UCP3: variants seen among roughly 807,000 people sequenced by gnomAD.
UCP3 encodes putative mitochondrial transporter UCP3.
In UCP3, 24 loss-of-function variants were observed where a neutral mutation model predicts 28.1. That is an observed-to-expected ratio of 0.85 (90% CI 0.62 to 1.20). UCP3 has a LOEUF of 1.20. Ranked by LOEUF, UCP3 falls within the 50% of genes most tolerant of loss-of-function variation. The pLI, the probability that UCP3 is intolerant of heterozygous loss-of-function variation, is 0.00. For missense variants in UCP3, 397 were observed against 422.2 expected (o/e 0.94, Z 0.52); for synonymous variants, 184 against 171.2 (o/e 1.07, Z -0.59).
At chr11:74,003,687 G>GT in intron 6 of UCP3, 140 bp downstream of exon 6, 1 of 1,458,872 alleles carries the variant, frequency 6.9e-7, no homozygotes, top group African/African-American at 1.4e-5. Context: ...TACTTGCATG[G>GT]TTTTTTAAAC....
intron 6 of UCP3, 120 bp from the exon 7 acceptor site, chr11:74,001,646 T>G (rs926826418): frequency 4.7e-6 from 4 of 850,722 alleles, no homozygotes; most frequent in Non-Finnish European, 7.8e-6. Flanking sequence ...ATCACAAGCA[T>G]TTTCTGAATC....
chr11:74,004,054 G>A (rs1951641429), intron 5 of UCP3, 47 bp from the exon 6 acceptor site: 1 of 1,605,792 alleles, frequency 6.2e-7, no homozygotes, highest in Non-Finnish European at 8.5e-7. Flanking sequence ...TTTGTGTTCT[G>A]TCCATATGTA....
intron 1 of UCP3, chr11:74,007,437 CTT>C (rs928421426): frequency 7.6e-4 from 135 of 177,896 alleles, no homozygotes; most frequent in East Asian, 2.1e-3. Context: ...AAACTGCCTC[CTT>C]TTTTTTTTTG....
Position 74,007,095 on chromosome 11 carries a change from G to A in UCP3, c.-53C>T, listed in dbSNP as rs1357454462. 6.2e-7 allele frequency: 1 copy of A among 1,606,596 alleles called. No individual in the cohort carries two copies. The highest frequency in any genetic ancestry group is 8.5e-7 in the Non-Finnish European group (1 of 1,177,994). On this transcript the variant is annotated 5_prime_UTR_variant, in exon 2 of 7. Coordinates refer to ENST00000314032, the MANE Select transcript of UCP3 (RefSeq NM_003356.4). ...TTAGGGCCGAGAGGAGGTCCAAGGA[G>A]AGAGGCTGCTCCACAGCCCTGGGCT...
Position 74,001,094 on chromosome 11 carries a change from C to A in UCP3, c.*318G>T. The A allele has an allele frequency of 2.7e-6, 1 of 370,800 alleles. No homozygotes were observed. 23.0% of individuals were successfully genotyped at this position (370,800 alleles called of 1,614,324 possible). On this transcript the variant is annotated 3_prime_UTR_variant, in exon 7 of 7. Transcript: ENST00000314032. ...CAGATTTCACGGGGATACACGTCTC[C>A]AACCTTCCATTTTGTCCAAATGGAT...
chr11:74,001,704 C>A, intron 6 of UCP3, 178 bp from the exon 7 acceptor site: 1 of 623,082 alleles, frequency 1.6e-6, no homozygotes, highest in East Asian at 2.8e-5. Flanking sequence ...GGGATTTAGG[C>A]AGAAGTCGGA....
chr11:74,006,164 C>T lies in UCP3; in HGVS notation c.337+5G>A, dbSNP rs559830800. The T allele has an allele frequency of 6.2e-7, 1 of 1,614,050 alleles. No homozygotes were observed. Among genetic ancestry groups the T allele is most frequent in the African/African-American group, 1.3e-5 (1 of 75,058 alleles). On this transcript the variant is annotated splice_donor_5th_base_variant and intron_variant, in intron 3 of 6. Transcript: ENST00000314032. Reference sequence around the variant, plus strand: ...CCTTTGGTGTTCAGGGACCTGGTCACTCACTGTCCGCGCCTTTGGGGGTGT... The same window carrying T: ...CCTTTGGTGTTCAGGGACCTGGTCATTCACTGTCCGCGCCTTTGGGGGTGT...
chr11:74,002,871 T>C, intron 6 of UCP3: 1 of 985,460 alleles, frequency 1.0e-6, no homozygotes, highest in Non-Finnish European at 1.2e-6. Context: ...AAAAACTCTC[T>C]GTTGAAGACA....
chr11:74,006,828 G>C, intron 2 of UCP3, 89 bp downstream of exon 2: 1 of 1,598,728 alleles, frequency 6.3e-7, no homozygotes, highest in Admixed American at 1.7e-5. Flanking sequence ...TTCTGAGGAA[G>C]GGCATGTGGG....
chr11:74,006,011 C>T, intron 3 of UCP3, 78 bp from the exon 4 acceptor site: 1 of 1,577,372 alleles, frequency 6.3e-7, no homozygotes. Flanking sequence ...GCGGGGCTGC[C>T]CCTGCAGCTT....
chr11:74,004,082 A>C (rs1951641686), intron 5 of UCP3, 75 bp from the exon 6 acceptor site: 35 of 1,578,276 alleles, frequency 2.2e-5, no homozygotes, highest in Non-Finnish European at 2.8e-5. Context: ...TTTGTCCCCA[A>C]CTCAACCGTG....
intron 1 of UCP3, among the ~76,000 whole-genome samples, chr11:74,008,099 C>T (rs1951680681): frequency 1.3e-5 from 2 of 152,174 alleles, no homozygotes; most frequent in Admixed American, 1.3e-4. Context: ...CAAGTAGTTG[C>T]TATTATTATT....
In UCP3 at chr11:74,003,886, GC is replaced by G; in HGVS notation, c.764del (p.Ser255ThrfsTer6). The G allele has an allele frequency of 6.2e-7, 1 of 1,614,154 alleles. No individual in the cohort carries two copies. Among genetic ancestry groups the G allele is most frequent in the Non-Finnish European group, 8.5e-7 (1 of 1,180,030 alleles). On this transcript the variant is annotated frameshift_variant, in exon 6 of 7. Coordinates refer to ENST00000314032, the MANE Select transcript of UCP3 (RefSeq NM_003356.4). LOFTEE classifies it high-confidence loss of function. ...CCATCTTTATCATACAGTCGAGGGG[GC>G]TGAAGTACTGGCCTGGAGGTGAGTT... is the stretch of plus-strand genomic sequence containing the variant. ...YMNSPPGQYFSPLDCMIKMVA... is the reference protein window; with the variant it reads ...YMNSPPGQYFXPLDCMIKMVA...
At position 74,006,231 on chromosome 11, in the gene UCP3, G is replaced by A. The variant is rs777659543; in HGVS notation, c.275C>T (p.Ala92Val). 20 of 1,614,150 alleles carry A rather than the reference G, an allele frequency of 1.2e-5. No individual in the cohort carries two copies. Among genetic ancestry groups the A allele is most frequent in the Non-Finnish European group, 1.7e-5 (20 of 1,180,058 alleles). Residue 92 changes from alanine (A) to valine (V), a missense_variant, in exon 3 of 7, where the codon GCC (alanine) becomes GTC (valine). By Grantham distance (64) the Ala-to-Val change is moderately conservative. Transcript: ENST00000314032. ...VAGLQRQMSF[A>V]SIRIGLYDSV... ...GTCATAGAGGCCGATGCGGATGGAG[G>A]CGAAGCTCATCTGGCGCTGCAGGCC...
chr11:74,003,547 A>G, intron 6 of UCP3: 1 of 1,146,228 alleles, frequency 8.7e-7, no homozygotes, highest in Non-Finnish European at 1.1e-6. Flanking sequence ...CCATGGCAGG[A>G]GGTCCAGGAG....
chr11:74,003,819 A>C lies in UCP3; in HGVS notation c.824+8T>G, dbSNP rs752335651. On this transcript the variant is annotated splice_region_variant and intron_variant, in intron 6 of 6. Coordinates refer to ENST00000314032, the MANE Select transcript of UCP3 (RefSeq NM_003356.4). Reference sequence around the variant, plus strand: ...GGGAGGGAGTGCTGGAGGCAGGAGGAGGCTCACCCCTTGTAGAAGGCTGTG... The same window carrying C: ...GGGAGGGAGTGCTGGAGGCAGGAGGCGGCTCACCCCTTGTAGAAGGCTGTG... 8 of 1,576,834 alleles carry C rather than the reference A, an allele frequency of 5.1e-6. No homozygotes were observed. The highest frequency in any genetic ancestry group is 6.9e-6 in the Non-Finnish European group (8 of 1,162,484).
At chr11:74,008,492 C>T (rs1951682866) in intron 1 of UCP3, among the ~76,000 whole-genome samples, 1 of 152,150 alleles carries the variant, frequency 6.6e-6, no homozygotes, top group African/African-American at 2.4e-5. Flanking sequence ...CTGAAGAAGC[C>T]GTCTGGGCAG....
chr11:74,008,654 C>T (rs1395067001), intron 1 of UCP3, among the ~76,000 whole-genome samples: 1 of 152,140 alleles, frequency 6.6e-6, no homozygotes, highest in African/African-American at 2.4e-5. Flanking sequence ...GATTCTGGGG[C>T]AGGCAAAGAA....
At chr11:74,004,369 C>G (rs1184652696) in intron 5 of UCP3, 115 bp downstream of exon 5, 1 of 959,482 alleles carries the variant, frequency 1.0e-6, no homozygotes, top group Non-Finnish European at 1.6e-6. Context: ...CTAGGCACTG[C>G]TTCTCTCTCT....
Sources: allele counts gnomAD v4.1 joint callset (sites outside exome capture counted in the v4.1 genomes callset), GRCh38; gene constraint gnomAD v4.1.1; transcripts MANE v1.5; gene names NCBI Gene and HGNC (gene_info 2026-07-23, HGNC 2026-07-21).